Variants in ASAP1 observed in about 807,000 individuals in gnomAD.
ASAP1 encodes the protein arf-GAP with SH3 domain, ANK repeat and PH domain-containing protein 1.
ASAP1 carries 43 observed loss-of-function variants against 145.2 expected under a neutral mutation model. The observed-to-expected ratio is 0.30, with a 90% CI of 0.23 to 0.38. The LOEUF is 0.38. Among genes scored for constraint, ASAP1 ranks in the 10% least tolerant of loss-of-function variants. ASAP1 has a pLI of 1.00. For missense variants in ASAP1, 1,018 were observed against 1,355.3 expected (o/e 0.75, Z 3.91); for synonymous variants, 546 against 515.5 (o/e 1.06, Z -0.80).
intron 18 of ASAP1, among the ~76,000 whole-genome samples, chr8:130,121,716 G>A (rs1328554553): frequency 6.9e-6 from 1 of 144,588 alleles, no homozygotes; most frequent in Non-Finnish European, 1.5e-5. Context: ...CCCGGGAGGT[G>A]GAGGTTGCAG....
intron 18 of ASAP1, among the ~76,000 whole-genome samples, chr8:130,120,217 G>T (rs569982540): frequency 6.6e-6 from 1 of 152,226 alleles, no homozygotes; most frequent in East Asian, 1.9e-4. Flanking sequence ...TGAATTAGAG[G>T]ACTTCCAGTA....
intron 24 of ASAP1, among the ~76,000 whole-genome samples, chr8:130,094,620 G>T (rs1045745519): frequency 2.0e-5 from 3 of 152,140 alleles, no homozygotes; most frequent in Admixed American, 2.0e-4. Flanking sequence ...TTGCAGCCGA[G>T]AACTCAGAGG....
intron 3 of ASAP1, among the ~76,000 whole-genome samples, chr8:130,339,397 T>C (rs1190098655): frequency 6.6e-6 from 1 of 152,108 alleles, no homozygotes; most frequent in African/African-American, 2.4e-5. Flanking sequence ...GAGAGAAAAT[T>C]TTAAGAATCA....
At position 130,092,102 on chromosome 8, in the gene ASAP1, T is replaced by A; in HGVS notation, c.2443A>T (p.Thr815Ser). ...PPSTLPLSTQ[T>S]SSGSSTLSKK... Reference sequence around the variant, plus strand: ...GATAGGGTGGAGCTGCCACTAGAGGTCTGGGTGCTTAGAGGGAGTGTTGAA... The same window carrying A: ...GATAGGGTGGAGCTGCCACTAGAGGACTGGGTGCTTAGAGGGAGTGTTGAA... Residue 815 changes from threonine to serine, a missense_variant, in exon 25 of 30, where the codon ACC (threonine) becomes TCC (serine). Around this residue, in one of 9 missense-constraint regions of ASAP1, gnomAD observed 353 missense variants for 375.4 expected, o/e 0.94. Transcript: ENST00000518721. 6.4e-7 allele frequency: 1 copy of A among 1,568,864 alleles called. No individual in the cohort carries two copies. The highest frequency in any genetic ancestry group is 1.2e-5 in the South Asian group (1 of 85,472).
At chr8:130,250,770 T>G (rs1819145983) in intron 3 of ASAP1, among the ~76,000 whole-genome samples, 1 of 152,052 alleles carries the variant, frequency 6.6e-6, no homozygotes, top group Non-Finnish European at 1.5e-5. Flanking sequence ...TAAAAAAAAA[T>G]CCAAATGAAT....
At chr8:130,264,095 G>A (rs1820101468) in intron 3 of ASAP1, among the ~76,000 whole-genome samples, 1 of 152,228 alleles carries the variant, frequency 6.6e-6, no homozygotes, top group South Asian at 2.1e-4. Flanking sequence ...GAGGTCAACA[G>A]AGAGACACAA....
intron 4 of ASAP1, among the ~76,000 whole-genome samples, chr8:130,219,422 T>C (rs143410469): frequency 6.6e-5 from 10 of 152,010 alleles, no homozygotes; most frequent in African/African-American, 2.4e-4. Flanking sequence ...CAGTAAGCCA[T>C]CTGAGGGGAA....
chr8:130,321,780 A>G (rs995087747), intron 3 of ASAP1, among the ~76,000 whole-genome samples: 1 of 152,226 alleles, frequency 6.6e-6, no homozygotes, highest in African/African-American at 2.4e-5. Context: ...TTGTCTTTTA[A>G]CATCAGTTAT....
rs71304303 is a variant in ASAP1 at position 130,283,587 on chromosome 8, GAAAA to G, written c.187-46597_187-46594del. Among the ~76,000 whole-genome samples the G allele has an allele frequency of 5.6e-3, 117 of 20,880 alleles. 2 individuals carry two copies. The highest frequency in any genetic ancestry group is 0.018 in the African/African-American group (104 of 5,862). 13.7% of individuals were successfully genotyped at this position (20,880 alleles called of 152,430 possible). A position where few individuals can be genotyped will look rare whatever the true frequency, so the allele number is the denominator to read the frequency against. ...ACAGAACAAGACTCCATCACAGAAAGAAAAAAAAAAAAAAAAAAAAAAAAAAAGA... is the reference window on the plus strand; with the variant it reads ...ACAGAACAAGACTCCATCACAGAAAGAAAAAAAAAAAAAAAAAAAAAAAGA... On this transcript the variant is annotated intron_variant, in intron 3 of 29. Transcript: ENST00000518721.
intron 9 of ASAP1, among the ~76,000 whole-genome samples, chr8:130,173,397 C>T (rs1813719642): frequency 6.6e-6 from 1 of 152,178 alleles, no homozygotes; most frequent in African/African-American, 2.4e-5. Flanking sequence ...CCTGCCAAAA[C>T]ATTTCACAGA....
intron 18 of ASAP1, among the ~76,000 whole-genome samples, chr8:130,120,005 T>C (rs879690125): frequency 2.0e-5 from 3 of 152,354 alleles, no homozygotes; most frequent in Admixed American, 6.5e-5. Flanking sequence ...AGTTTAACAC[T>C]GTGCTGGTAC....
intron 3 of ASAP1, among the ~76,000 whole-genome samples, chr8:130,309,198 G>A (rs989102660): frequency 6.6e-6 from 1 of 152,122 alleles, no homozygotes; most frequent in African/African-American, 2.4e-5. Context: ...CTTGCTTTGG[G>A]GCATAGTCCC....
intron 27 of ASAP1, 47 bp downstream of exon 27, chr8:130,076,301 G>T: frequency 7.0e-7 from 1 of 1,437,938 alleles, no homozygotes; most frequent in Non-Finnish European, 9.7e-7. Flanking sequence ...CTTGGAGGGG[G>T]TAGTGACACT....
intron 3 of ASAP1, among the ~76,000 whole-genome samples, chr8:130,353,318 C>T (rs1826110341): frequency 6.6e-6 from 1 of 152,176 alleles, no homozygotes; most frequent in African/African-American, 2.4e-5. Context: ...TGAGTTCCCA[C>T]ATTTAAATCT....
intron 25 of ASAP1, among the ~76,000 whole-genome samples, chr8:130,080,862 GC>G (rs1046756046): frequency 3.3e-5 from 5 of 152,074 alleles, no homozygotes; most frequent in Non-Finnish European, 7.4e-5. Context: ...AAAATTCCTG[GC>G]CTCCGGTGAT....
At chr8:130,432,743 T>C (rs576372767) in intron 1 of ASAP1, among the ~76,000 whole-genome samples, 1 of 152,166 alleles carries the variant, frequency 6.6e-6, no homozygotes, top group African/African-American at 2.4e-5. Flanking sequence ...TCTTCCTACA[T>C]GTCTCTTTTT....
intron 1 of ASAP1, among the ~76,000 whole-genome samples, chr8:130,412,649 C>A (rs1408388120): frequency 6.6e-6 from 1 of 151,728 alleles, no homozygotes; most frequent in Non-Finnish European, 1.5e-5. Flanking sequence ...AATTTCTTTT[C>A]TTTTCTTCTT....
At chr8:130,102,810 T>C (rs1564960801) in intron 24 of ASAP1, among the ~76,000 whole-genome samples, 1 of 152,154 alleles carries the variant, frequency 6.6e-6, no homozygotes, top group Non-Finnish European at 1.5e-5. Flanking sequence ...TTCAGCCTTC[T>C]ACATAGTTAG....
intron 3 of ASAP1, among the ~76,000 whole-genome samples, chr8:130,313,451 G>A (rs1452905162): frequency 6.6e-6 from 1 of 152,084 alleles, no homozygotes; most frequent in Non-Finnish European, 1.5e-5. Flanking sequence ...GCAATAATAG[G>A]TCAGAGAAGA....
Sources: allele counts gnomAD v4.1 joint callset (sites outside exome capture counted in the v4.1 genomes callset), GRCh38; gene constraint gnomAD v4.1.1; regional missense constraint gnomAD v4.1.1; transcripts MANE v1.5; gene names NCBI Gene and HGNC (gene_info 2026-07-23, HGNC 2026-07-21).